The following MED27 variants were observed in gnomAD, a reference collection of about 807,000 sequenced individuals.
MED27 encodes mediator complex subunit 27, also known as mediator of RNA polymerase II transcription subunit 27.
MED27 carries 30 observed loss-of-function variants against 38.2 expected under a neutral mutation model. That is an observed-to-expected ratio of 0.79 (90% CI 0.59 to 1.07). The LOEUF (loss-of-function observed/expected upper bound fraction) is 1.07, where lower values mean the gene tolerates loss of function less well. Ranked by LOEUF, MED27 falls within the 50% of genes least tolerant of loss-of-function variation. The probability of loss-of-function intolerance (pLI) is 0.00; values close to 1 mark genes in which losing one functional copy is unlikely to be tolerated. For missense variants in MED27, 289 were observed against 397.5 expected (o/e 0.73, Z 2.32); for synonymous variants, 122 against 153.5 (o/e 0.79, Z 1.52).
chr9:131,877,712 G>A (rs1007679664), intron 6 of MED27, among the ~76,000 whole-genome samples: 3 of 152,176 alleles, frequency 2.0e-5, no homozygotes, highest in African/African-American at 7.2e-5. Context: ...CCAATCCCTG[G>A]GGAATGATCC....
chr9:131,883,287 A>C lies in MED27; in HGVS notation c.723+771T>G, dbSNP rs1481676908. Among the ~76,000 whole-genome samples the C allele has an allele frequency of 2.6e-5, 4 of 152,262 alleles. No homozygotes were observed. Among genetic ancestry groups the C allele is most frequent in the Admixed American group, 2.0e-4 (3 of 15,292 alleles). ...GACAGAAGATGGATGAGAACAGAAG[A>C]AGCCGGCTGCTGCCCTGCAGGGAGC... is the stretch of plus-strand genomic sequence containing the variant. On this transcript the variant is annotated intron_variant, in intron 6 of 7. Coordinates refer to ENST00000292035, the MANE Select transcript of MED27 (RefSeq NM_004269.4). This position sits in a 1 kb window ranked among gnomAD's most constrained non-coding sequence, Gnocchi z 4.2.
chr9:131,866,716 A>T (rs1838742514), intron 6 of MED27, among the ~76,000 whole-genome samples: 1 of 152,230 alleles, frequency 6.6e-6, no homozygotes, highest in African/African-American at 2.4e-5. Flanking sequence ...GTGAGGGTGA[A>T]GTAGTGGGCA....
At chr9:132,004,955 G>A (rs565336921) in intron 3 of MED27, among the ~76,000 whole-genome samples, 1 of 152,222 alleles carries the variant, frequency 6.6e-6, no homozygotes, top group African/African-American at 2.4e-5. Flanking sequence ...TCACAACATG[G>A]GGCACAAAGT....
At chr9:132,049,730 T>C (rs1193923413) in intron 2 of MED27, among the ~76,000 whole-genome samples, 1 of 152,154 alleles carries the variant, frequency 6.6e-6, no homozygotes, top group Non-Finnish European at 1.5e-5. Context: ...ACTCCGAAGC[T>C]GCACACTTAA....
At chr9:132,032,556 AATG>A (rs1832987443) in intron 2 of MED27, among the ~76,000 whole-genome samples, 1 of 152,200 alleles carries the variant, frequency 6.6e-6, no homozygotes, top group Admixed American at 6.5e-5. Flanking sequence ...TAATGACCTA[AATG>A]ATAAGAGGAA....
At chr9:132,018,589 G>T (rs539752042) in intron 2 of MED27, among the ~76,000 whole-genome samples, 54 of 152,270 alleles carry the variant, frequency 3.5e-4, no homozygotes, top group African/African-American at 1.3e-3. Flanking sequence ...TCATCACACC[G>T]ATCATGTTCA....
intron 2 of MED27, among the ~76,000 whole-genome samples, chr9:132,042,995 G>A (rs1833252263): frequency 6.6e-6 from 1 of 152,086 alleles, no homozygotes; most frequent in Admixed American, 6.5e-5. Context: ...TGAGGGACAA[G>A]GTAAGTTTTC....
chr9:131,957,751 A>T (rs779601660), intron 3 of MED27, among the ~76,000 whole-genome samples: 12 of 152,186 alleles, frequency 7.9e-5, no homozygotes, highest in Admixed American at 2.6e-4. Flanking sequence ...CTGGGACACA[A>T]AACATGCTTC....
intron 2 of MED27, among the ~76,000 whole-genome samples, chr9:132,065,607 G>T (rs896950740): frequency 1.3e-5 from 2 of 152,146 alleles, no homozygotes; most frequent in African/African-American, 4.8e-5. Flanking sequence ...AGAGCTTAAC[G>T]CACACAAGGG....
chr9:131,871,532 G>A (rs983890017), intron 6 of MED27, among the ~76,000 whole-genome samples: 3 of 152,120 alleles, frequency 2.0e-5, no homozygotes, highest in African/African-American at 4.8e-5. Flanking sequence ...CAGGAACAAC[G>A]GCACCATTCA....
At chr9:131,921,597 C>G (rs1292447398) in intron 4 of MED27, among the ~76,000 whole-genome samples, 1 of 152,180 alleles carries the variant, frequency 6.6e-6, no homozygotes, top group Non-Finnish European at 1.5e-5. Context: ...CTAGTTCAAC[C>G]ATTGTGGAAG....
chr9:131,987,942 G>C (rs868759898), intron 3 of MED27, among the ~76,000 whole-genome samples: 35 of 152,220 alleles, frequency 2.3e-4, no homozygotes, highest in African/African-American at 7.5e-4. Context: ...CAAAGAGAGT[G>C]TGCTCCAAGG....
intron 2 of MED27, among the ~76,000 whole-genome samples, chr9:132,072,667 T>C (rs1306254031): frequency 6.6e-6 from 1 of 151,922 alleles, no homozygotes; most frequent in Non-Finnish European, 1.5e-5. Flanking sequence ...AGTGATGGGG[T>C]GCTACGAAGG....
intron 2 of MED27, chr9:132,073,640 A>G: frequency 6.9e-7 from 1 of 1,457,690 alleles, no homozygotes; most frequent in South Asian, 1.4e-5. Context: ...TAACTTAGTC[A>G]TTAAGCAACT....
intron 6 of MED27, among the ~76,000 whole-genome samples, chr9:131,880,588 T>C (rs1839019443): frequency 6.6e-6 from 1 of 152,250 alleles, no homozygotes; most frequent in Non-Finnish European, 1.5e-5. Context: ...ACCAGTGAGA[T>C]AAAATTCCCA....
At chr9:132,005,259 T>C (rs1832334612) in intron 3 of MED27, among the ~76,000 whole-genome samples, 1 of 152,180 alleles carries the variant, frequency 6.6e-6, no homozygotes, top group Non-Finnish European at 1.5e-5. Flanking sequence ...GATGATCCCA[T>C]ACCCTTGGCC....
chr9:131,898,775 G>A lies in MED27; in HGVS notation c.574-4783C>T, dbSNP rs192607082. ...AATTTTCATATTTTTAGTAAAGACA[G>A]GGTTTCACTATGTTGGCCAGGCTGG... On this transcript the variant is annotated intron_variant, in intron 4 of 7. Transcript: ENST00000292035. Among the ~76,000 whole-genome samples the A allele has an allele frequency of 1.5e-3, 227 of 152,078 alleles. 3 individuals carry two copies. In the South Asian group the frequency reaches 0.015, roughly 10 times the overall value.
chr9:132,066,275 C>T lies in MED27; in HGVS notation c.348+11167G>A, dbSNP rs538106649. Among the ~76,000 whole-genome samples the T allele has an allele frequency of 2.6e-5, 4 of 152,318 alleles. No homozygotes were observed. The South Asian group carries it at 8.3e-4, about 32-fold the overall frequency. On this transcript the variant is annotated intron_variant, in intron 2 of 7. Coordinates refer to ENST00000292035, the MANE Select transcript of MED27 (RefSeq NM_004269.4). ...TCAGGGCTGGAGGAAAGAATGCATTCGCAAAAGTGCAAGGCATTCCAGGCG... is the reference window on the plus strand; with the variant it reads ...TCAGGGCTGGAGGAAAGAATGCATTTGCAAAAGTGCAAGGCATTCCAGGCG...
At chr9:131,878,879 C>T (rs1589178561) in intron 6 of MED27, among the ~76,000 whole-genome samples, 1 of 146,992 alleles carries the variant, frequency 6.8e-6, no homozygotes, top group Admixed American at 6.8e-5. Context: ...CTGCTGGAGA[C>T]TTGCTGGCTA....
Sources: gnomAD v4.1 joint callset for allele counts (sites outside exome capture counted in the v4.1 genomes callset) on GRCh38, gnomAD v4.1.1 for gene constraint, Gnocchi (gnomAD v3.1) non-coding constraint, MANE v1.5 for transcripts, NCBI Gene and HGNC (gene_info 2026-07-23, HGNC 2026-07-21) for gene names.